The following WDR62 variants were observed in gnomAD, a reference collection of about 807,000 sequenced individuals.
WDR62 encodes the protein WD repeat-containing protein 62.
Under a neutral mutation model 160.6 loss-of-function variants are expected in WDR62, and 112 were observed. That is an observed-to-expected ratio of 0.70 (90% confidence interval 0.60 to 0.82). The LOEUF (loss-of-function observed/expected upper bound fraction) is 0.82. Ranked by LOEUF, WDR62 falls within the 40% of genes least tolerant of loss-of-function variation. The pLI, the probability that WDR62 is intolerant of heterozygous loss-of-function variation, is 0.00. For missense variants in WDR62, 1,819 were observed against 1,983.8 expected (o/e 0.92, Z 1.58); for synonymous variants, 792 against 815.1 (o/e 0.97, Z 0.48).
In WDR62 at chr19:36,081,457, A is replaced by G. The variant is rs761967881; in HGVS notation, c.1258A>G (p.Arg420Gly). 7 of 1,614,122 alleles carry G rather than the reference A, an allele frequency of 4.3e-6. No individual in the cohort carries two copies. In the East Asian group the frequency reaches 1.6e-4, roughly 36 times the overall value. The change falls in exon 10 of 32, where the codon AGA (arginine) becomes GGA (glycine). Residue 420 changes from arginine to glycine, a missense_variant. Coordinates refer to ENST00000401500, the MANE Select transcript of WDR62 (RefSeq NM_001083961.2). ...VEVYPEFEDQ[R>G]ACLPSGSFLT... ...GGTGTATCCTGAGTTTGAAGACCAG[A>G]GAGCTTGTTTGCCATCAGGATCCTT...
At chr19:36,077,402 T>C (rs966998913) in intron 9 of WDR62, among the ~76,000 whole-genome samples, 30 of 148,714 alleles carry the variant, frequency 2.0e-4, no homozygotes, top group African/African-American at 6.8e-4. Flanking sequence ...TTCCTCAGCG[T>C]CCTGAGCAGC....
chr19:36,058,815 G>A lies in WDR62; in HGVS notation c.213G>A (p.Gln71=), dbSNP rs770718702. The A allele has an allele frequency of 6.2e-7, 1 of 1,614,238 alleles. No individual in the cohort carries two copies. The highest frequency in any genetic ancestry group is 1.7e-5 in the Admixed American group (1 of 60,030). Residue 71 remains glutamine (Q), a synonymous_variant, in exon 2 of 32, where the codon CAG becomes CAA. Transcript: ENST00000401500. ...SLEKVLGITA[Q]NSSGLTCDPG... is the part of the protein sequence containing the mutation. ...AGAAGGTGCTTGGCATCACAGCCCA[G>A]AACAGCAGTGGCCTAACCTGTGACC...
rs1258856056 is a variant in WDR62 at position 36,066,439 on chromosome 19, C to G, written c.561+12C>G. On this transcript the variant is annotated intron_variant, in intron 5 of 31. Transcript: ENST00000401500. ...TCTGGGACTGGAAGGTAAGAGCCGA[C>G]CAGCAGGCCTGTGGCAGGCAGCCAG... The G allele has an allele frequency of 1.3e-6, 2 of 1,583,528 alleles. No individual in the cohort carries two copies. Among genetic ancestry groups the G allele is most frequent in the South Asian group, 1.1e-5 (1 of 87,472 alleles).
At chr19:36,072,253 G>A (rs1406597068) in intron 8 of WDR62, among the ~76,000 whole-genome samples, 1 of 152,216 alleles carries the variant, frequency 6.6e-6, no homozygotes, top group Admixed American at 6.5e-5. Flanking sequence ...TGGGTGCCTG[G>A]TGAGAAGGAG....
chr19:36,095,977 A>C (rs1352977590), intron 20 of WDR62, among the ~76,000 whole-genome samples: 1 of 152,170 alleles, frequency 6.6e-6, no homozygotes, highest in Non-Finnish European at 1.5e-5. Context: ...CATCACTGTT[A>C]ATGAGGCTAT....
chr19:36,094,101 C>A lies in WDR62; in HGVS notation c.2404C>A (p.Leu802Met). The change falls in exon 20 of 32, where the codon CTG becomes ATG. Residue 802 changes from leucine (L) to methionine (M), a missense_variant. Transcript: ENST00000401500. ...CCCTGGAGAGCAAACAGAGGATGAT[C>A]TGGAGGAAGAGTGTGAGCCAGAAGA... ...LSPGEQTEDD[L>M]EEECEPEEML... The A allele has an allele frequency of 6.2e-7, 1 of 1,614,142 alleles. No homozygotes were observed. Among genetic ancestry groups the A allele is most frequent in the Non-Finnish European group, 8.5e-7 (1 of 1,180,026 alleles).
chr19:36,074,475 C>T (rs1028129992), intron 9 of WDR62, among the ~76,000 whole-genome samples: 2 of 152,118 alleles, frequency 1.3e-5, no homozygotes, highest in Non-Finnish European at 2.9e-5. Context: ...GCCTGGGCAA[C>T]ATGAGGAAAC....
chr19:36,055,604 C>T (rs777030387), intron 1 of WDR62, among the ~76,000 whole-genome samples: 9 of 151,898 alleles, frequency 5.9e-5, no homozygotes, highest in Non-Finnish European at 1.3e-4. Context: ...CTTCTGCGAT[C>T]TCTATCCTTT....
chr19:36,089,890 T>A (rs1972484718), intron 15 of WDR62, among the ~76,000 whole-genome samples: 1 of 152,242 alleles, frequency 6.6e-6, no homozygotes, highest in Non-Finnish European at 1.5e-5. Context: ...CCGTATTCCC[T>A]GAGCACCTAA....
At position 36,100,689 on chromosome 19, in the gene WDR62, G is replaced by A. The variant is rs201078407; in HGVS notation, c.2740-59G>A. ...TGGGGCTGCTGGCATGGTTCCTGGC[G>A]CACTGTTGGTGGCCCCAGCCATGCC... is the stretch of plus-strand genomic sequence containing the variant. On this transcript the variant is annotated intron_variant, in intron 22 of 31. Coordinates refer to ENST00000401500, the MANE Select transcript of WDR62 (RefSeq NM_001083961.2). The A allele has an allele frequency of 1.9e-4, 312 of 1,608,934 alleles. 3 individuals are homozygous for A. Among genetic ancestry groups the A allele is most frequent in the South Asian group, 3.4e-4 (31 of 90,744 alleles).
intron 8 of WDR62, among the ~76,000 whole-genome samples, 172 bp from the exon 9 acceptor site, chr19:36,073,170 G>A (rs1599773485): frequency 1.3e-5 from 2 of 152,224 alleles, no homozygotes; most frequent in South Asian, 4.1e-4. Flanking sequence ...TATATGAAAA[G>A]CAAAGCAGAG....
At chr19:36,107,245 CGGCTGCT>C (rs1324831320), downstream of WDR62, among the ~76,000 whole-genome samples, 1 of 152,180 alleles carries the variant, frequency 6.6e-6, no homozygotes, top group Non-Finnish European at 1.5e-5. Flanking sequence ...GGTTGCAACA[CGGCTGCT>C]GTGGCACCCA....
intron 9 of WDR62, among the ~76,000 whole-genome samples, chr19:36,078,868 T>TAAAAAAAAAAA: frequency 6.6e-6 from 1 of 151,012 alleles, no homozygotes; most frequent in Admixed American, 6.6e-5. Flanking sequence ...AGTTATAGTT[T>TAAAAAAAAAAA]TTATCTTTTT....
At chr19:36,083,027 C>T in intron 10 of WDR62, 36 bp from the exon 11 acceptor site, 1 of 1,593,296 alleles carries the variant, frequency 6.3e-7, no homozygotes, top group South Asian at 1.1e-5. Flanking sequence ...TGCTTCTGAG[C>T]TGCTCGTGCT....
At chr19:36,067,518 T>G in intron 6 of WDR62, 75 bp downstream of exon 6, 1 of 1,603,110 alleles carries the variant, frequency 6.2e-7, no homozygotes, top group Non-Finnish European at 8.5e-7. Flanking sequence ...CTCCTGTTTC[T>G]CCCTGAGATT....
chr19:36,072,178 A>G (rs778374171), intron 8 of WDR62, among the ~76,000 whole-genome samples: 7 of 152,220 alleles, frequency 4.6e-5, no homozygotes, highest in Non-Finnish European at 8.8e-5. Context: ...TTCAATAGGC[A>G]TGAGTGCTTT....
intron 18 of WDR62, among the ~76,000 whole-genome samples, 158 bp downstream of exon 18, chr19:36,091,623 A>G (rs1972614247): frequency 6.6e-6 from 1 of 152,204 alleles, no homozygotes; most frequent in South Asian, 2.1e-4. Flanking sequence ...TAAGCTGGGC[A>G]TGATGGCTCA....
chr19:36,075,740 C>G (rs1162773803), intron 9 of WDR62, among the ~76,000 whole-genome samples: 2 of 152,260 alleles, frequency 1.3e-5, no homozygotes, highest in Non-Finnish European at 1.5e-5. Context: ...GCCACTGTGC[C>G]TGGCCTGTTA....
At chr19:36,078,197 G>C (rs977731219) in intron 9 of WDR62, among the ~76,000 whole-genome samples, 1 of 151,224 alleles carries the variant, frequency 6.6e-6, no homozygotes, top group Non-Finnish European at 1.5e-5. Flanking sequence ...GCCCAGGCTG[G>C]GGTGCAGTGG....
Sources: gnomAD v4.1 joint callset for allele counts (sites outside exome capture counted in the v4.1 genomes callset) on GRCh38, gnomAD v4.1.1 for gene constraint, MANE v1.5 for transcripts, NCBI Gene and HGNC (gene_info 2026-07-23, HGNC 2026-07-21) for gene names.